Variants in SLC1A3 observed in about 807,000 individuals in gnomAD.
The protein encoded by SLC1A3 is excitatory amino acid transporter 1.
A neutral mutation model predicts 48.1 loss-of-function variants in SLC1A3; 21 were observed. The observed-to-expected ratio is 0.44, with a 90% CI of 0.31 to 0.63. SLC1A3 has a LOEUF of 0.63. SLC1A3 is among the 20% of genes least tolerant of loss of function. SLC1A3 has a pLI of 0.08. For synonymous variants in SLC1A3, 239 were observed against 251.4 expected, an observed-to-expected ratio of 0.95 and a Z score of 0.47; for missense variants, 546 against 689.0, an observed-to-expected ratio of 0.79 and a Z score of 2.32.
intron 8 of SLC1A3, among the ~76,000 whole-genome samples, chr5:36,681,458 G>A (rs1053688201): frequency 3.3e-5 from 5 of 152,114 alleles, no homozygotes; most frequent in Admixed American, 3.3e-4. Context: ...TTTCTCTTGG[G>A]TGAATTTTTA....
At position 36,671,023 on chromosome 5, in the gene SLC1A3, C is replaced by T; in HGVS notation, c.320-6C>T. 6.2e-7 allele frequency: 1 copy of T among 1,613,512 alleles called. No homozygotes were observed. Among genetic ancestry groups the T allele is most frequent in the Non-Finnish European group, 8.5e-7 (1 of 1,179,524 alleles). Reference sequence around the variant, plus strand: ...TTCCTGAAAATCTTCTGTTTGCCTCCACCAGGAATGGCGGCGCTAGATAGT... The same window carrying T: ...TTCCTGAAAATCTTCTGTTTGCCTCTACCAGGAATGGCGGCGCTAGATAGT... On this transcript the variant is annotated splice_polypyrimidine_tract_variant and splice_region_variant and intron_variant, in intron 3 of 9. Transcript: ENST00000265113.
At chr5:36,616,127 G>A (rs994167274) in intron 2 of SLC1A3, among the ~76,000 whole-genome samples, 1 of 152,114 alleles carries the variant, frequency 6.6e-6, no homozygotes, top group African/African-American at 2.4e-5. Context: ...CCGGGAAGGA[G>A]GAGGTTGCAG....
intron 3 of SLC1A3, among the ~76,000 whole-genome samples, chr5:36,635,511 A>G (rs1312607113): frequency 1.3e-5 from 2 of 152,256 alleles, no homozygotes; most frequent in African/African-American, 4.8e-5. Context: ...TGAAGAAACC[A>G]TAAAATTAAT....
chr5:36,657,550 A>C (rs1362998589), intron 3 of SLC1A3, among the ~76,000 whole-genome samples: 2 of 152,222 alleles, frequency 1.3e-5, no homozygotes, highest in African/African-American at 4.8e-5. Context: ...ACTCAACAAC[A>C]TAGAAGTCAT....
intron 2 of SLC1A3, among the ~76,000 whole-genome samples, chr5:36,612,087 A>ACACACACACACG (rs575136675): frequency 6.7e-6 from 1 of 148,660 alleles, no homozygotes; most frequent in Non-Finnish European, 1.5e-5. Context: ...ACACACACGC[A>ACACACACACACG]CACACACACA....
intron 2 of SLC1A3, among the ~76,000 whole-genome samples, chr5:36,611,294 A>AT (rs1292882964): frequency 2.6e-5 from 4 of 151,226 alleles, no homozygotes; most frequent in African/African-American, 9.7e-5. Context: ...AAAAAAAAAA[A>AT]AAAAAATCAC....
upstream of SLC1A3, among the ~76,000 whole-genome samples, chr5:36,604,406 G>A (rs900110641): frequency 6.6e-6 from 1 of 151,966 alleles, no homozygotes. Context: ...GTAGAAATAC[G>A]CGTTGAGGAA....
chr5:36,673,694 C>G (rs1742085035), intron 4 of SLC1A3, among the ~76,000 whole-genome samples: 1 of 152,210 alleles, frequency 6.6e-6, no homozygotes, highest in Non-Finnish European at 1.5e-5. Context: ...AAAATGACCA[C>G]TGCTAAACAA....
At chr5:36,667,578 C>T (rs538011922) in intron 3 of SLC1A3, 1 of 152,288 alleles carries the variant, frequency 6.6e-6, no homozygotes, top group South Asian at 2.1e-4. Context: ...CTTCTCTGGT[C>T]TCTTGTTTCT....
intron 9 of SLC1A3, 83 bp from the exon 10 acceptor site, chr5:36,685,982 C>T (rs750111219): frequency 1.0e-5 from 11 of 1,048,352 alleles, no homozygotes; most frequent in East Asian, 7.1e-5. Context: ...AGAGGTGCTT[C>T]GCTGGCCAGT....
At position 36,686,527 on chromosome 5, in the gene SLC1A3, G is replaced by A. The variant is rs1742655429; in HGVS notation, c.*258G>A. The stretch of plus-strand genomic sequence containing the variant: ...ATAAGGTACCAAGATCACAAATAGT[G>A]TTGATCAGATCTTACAAGTTTATGT... On this transcript the variant is annotated 3_prime_UTR_variant, in exon 10 of 10. Coordinates refer to ENST00000265113, the MANE Select transcript of SLC1A3 (RefSeq NM_004172.5). The A allele has an allele frequency of 2.0e-6, 1 of 505,178 alleles. No individual in the cohort carries two copies. The highest frequency in any genetic ancestry group is 3.6e-6 in the Non-Finnish European group (1 of 279,972). 31.3% of individuals were successfully genotyped at this position (505,178 alleles called of 1,614,324 possible). A position where few individuals can be genotyped will look rare whatever the true frequency, so the allele number is the denominator to read the frequency against.
chr5:36,661,602 T>G (rs913524458), intron 3 of SLC1A3, among the ~76,000 whole-genome samples: 6 of 152,190 alleles, frequency 3.9e-5, no homozygotes, highest in African/African-American at 1.4e-4. Flanking sequence ...TGGGCACAGG[T>G]GCATGTGGCT....
intron 2 of SLC1A3, among the ~76,000 whole-genome samples, chr5:36,628,446 A>G (rs1739998606): frequency 6.6e-6 from 1 of 152,162 alleles, no homozygotes; most frequent in Non-Finnish European, 1.5e-5. Flanking sequence ...GCTCCTAGTT[A>G]ACTCAGTGCT....
intron 2 of SLC1A3, among the ~76,000 whole-genome samples, chr5:36,623,014 CAAAAA>C (rs1158762437): frequency 5.8e-5 from 3 of 51,936 alleles, no homozygotes; most frequent in Admixed American, 1.9e-4. Context: ...TCCATCATCT[CAAAAA>C]AAAAAAAAAA....
chr5:36,676,644 G>A (rs894831752), intron 5 of SLC1A3, among the ~76,000 whole-genome samples: 3 of 116,056 alleles, frequency 2.6e-5, no homozygotes, highest in African/African-American at 1.1e-4. Context: ...ATTTGAGTGT[G>A]TGTATGTGTG....
chr5:36,623,709 A>G (rs1190840586), intron 2 of SLC1A3, among the ~76,000 whole-genome samples: 1 of 151,452 alleles, frequency 6.6e-6, no homozygotes, highest in Non-Finnish European at 1.5e-5. Context: ...CAAAAAAAAA[A>G]AAAAATTAGC....
At chr5:36,648,749 T>C (rs1740936712) in intron 3 of SLC1A3, among the ~76,000 whole-genome samples, 1 of 152,228 alleles carries the variant, frequency 6.6e-6, no homozygotes, top group Non-Finnish European at 1.5e-5. Context: ...TCTCACCATT[T>C]TTCCCTTCAA....
At chr5:36,644,017 AT>A (rs1740736092) in intron 3 of SLC1A3, among the ~76,000 whole-genome samples, 2 of 68,680 alleles carry the variant, frequency 2.9e-5, no homozygotes, top group Admixed American at 1.7e-4. Context: ...GTCTCAAAAA[AT>A]AAATAAATAA....
At chr5:36,661,043 T>C (rs935828286) in intron 3 of SLC1A3, among the ~76,000 whole-genome samples, 1 of 152,256 alleles carries the variant, frequency 6.6e-6, no homozygotes, top group Non-Finnish European at 1.5e-5. Context: ...ACACTCTTTT[T>C]ACTGGCCAAA....
Sources: gnomAD v4.1 joint callset for allele counts (sites outside exome capture counted in the v4.1 genomes callset) on GRCh38, gnomAD v4.1.1 for gene constraint, MANE v1.5 for transcripts, NCBI Gene and HGNC (gene_info 2026-07-23, HGNC 2026-07-21) for gene names.